Variants in NT5C1B observed in about 807,000 individuals in gnomAD.
NT5C1B encodes the protein cytosolic 5'-nucleotidase 1B.
NT5C1B carries 44 observed loss-of-function variants against 57.8 expected under a neutral mutation model. The ratio of observed to expected loss-of-function variants is 0.76; its 90% CI spans 0.60 to 0.98. The LOEUF (loss-of-function observed/expected upper bound fraction) is 0.98, where lower values mean the gene tolerates loss of function less well. Ranked by LOEUF, NT5C1B falls within the 50% of genes least tolerant of loss-of-function variation. NT5C1B has a pLI of 0.00. For missense variants in NT5C1B, 742 were observed against 719.5 expected (o/e 1.03, Z -0.36); for synonymous variants, 284 against 282.6 (o/e 1.00, Z -0.05).
intron 6 of NT5C1B, among the ~76,000 whole-genome samples, chr2:18,581,452 T>C (rs969209059): frequency 3.9e-5 from 6 of 152,106 alleles, no homozygotes; most frequent in Non-Finnish European, 7.4e-5. Flanking sequence ...TTTTTAGATA[T>C]ATGATAAACT....
intron 6 of NT5C1B, among the ~76,000 whole-genome samples, chr2:18,578,834 G>C (rs1203940729): frequency 6.6e-6 from 1 of 152,120 alleles, no homozygotes; most frequent in Non-Finnish European, 1.5e-5. Context: ...CATTAAAATA[G>C]AAAGAGAGGA....
chr2:18,586,967 A>G lies in NT5C1B; in HGVS notation c.120+536T>C, dbSNP rs763682450. ...CCCAGGTTGTCTGTGGTTCCCCTCCAGAATCGGTAGTGTGATCTCTGCTCA... is the reference window on the plus strand; with the variant it reads ...CCCAGGTTGTCTGTGGTTCCCCTCCGGAATCGGTAGTGTGATCTCTGCTCA... On this transcript the variant is annotated intron_variant, in intron 2 of 8. Transcript: ENST00000304081. 5 of 1,614,066 alleles carry G rather than the reference A, an allele frequency of 3.1e-6. No homozygotes were observed. The South Asian group carries it at 4.4e-5, about 14-fold the overall frequency.
chr2:18,562,969 A>G (rs1339514539), exon 9 of NT5C1B: 1 of 152,186 alleles, frequency 6.6e-6, no homozygotes, highest in African/African-American at 2.4e-5. Flanking sequence ...ATGACCAACC[A>G]ATTTTTGTTG....
chr2:18,582,101 T>G (rs1666234164), intron 6 of NT5C1B, among the ~76,000 whole-genome samples: 1 of 152,224 alleles, frequency 6.6e-6, no homozygotes, highest in Non-Finnish European at 1.5e-5. Flanking sequence ...AATTTTTATG[T>G]TCTCTCTTTT....
chr2:18,567,063 C>T (rs777577198), intron 8 of NT5C1B, among the ~76,000 whole-genome samples: 21 of 152,108 alleles, frequency 1.4e-4, no homozygotes, highest in Non-Finnish European at 2.4e-4. Flanking sequence ...AGCATAGAAG[C>T]CCTAGGATCC....
At chr2:18,583,820 G>T in intron 5 of NT5C1B, 1 of 648,762 alleles carries the variant, frequency 1.5e-6, no homozygotes, top group South Asian at 1.5e-5. Context: ...CTTCGAGGGA[G>T]AGAGGTTTCT....
At position 18,587,560 on chromosome 2, in the gene NT5C1B, ACT is replaced by A; in HGVS notation, c.61_62del (p.Leu22ArgfsTer9). 2 of 1,613,586 alleles carry A rather than the reference ACT, an allele frequency of 1.2e-6. No homozygotes were observed. The highest frequency in any genetic ancestry group is 1.7e-6 in the Non-Finnish European group (2 of 1,179,950). ...ATTCCTTTCTTTTTTCTGCTTCTAG[ACT>A]CTCTTTTGAGGACCTCATTCCAGGC... On this transcript the variant is annotated frameshift_variant, in exon 2 of 9. Transcript: ENST00000304081. LOFTEE classifies it high-confidence loss of function.
chr2:18,577,765 C>A (rs1665835090), intron 6 of NT5C1B, among the ~76,000 whole-genome samples: 1 of 150,084 alleles, frequency 6.7e-6, no homozygotes. Flanking sequence ...ATAATCAGAG[C>A]TGAACTGAAT....
At chr2:18,576,073 A>T in intron 8 of NT5C1B, 111 bp downstream of exon 8, 1 of 1,156,128 alleles carries the variant, frequency 8.6e-7, no homozygotes, top group Non-Finnish European at 1.2e-6. Context: ...AGTAAGAAGG[A>T]GTGCCCTGCC....
At chr2:18,573,149 C>T (rs1665362358) in intron 8 of NT5C1B, among the ~76,000 whole-genome samples, 1 of 152,090 alleles carries the variant, frequency 6.6e-6, no homozygotes, top group Non-Finnish European at 1.5e-5. Flanking sequence ...CATGCAATGA[C>T]ATGCATTATG....
At chr2:18,574,243 G>T (rs1435288482) in intron 8 of NT5C1B, among the ~76,000 whole-genome samples, 1 of 151,990 alleles carries the variant, frequency 6.6e-6, no homozygotes, top group Non-Finnish European at 1.5e-5. Context: ...AATCATCAGA[G>T]AAATCCAAAT....
chr2:18,579,520 A>T (rs1269550922), intron 6 of NT5C1B, among the ~76,000 whole-genome samples: 3 of 152,240 alleles, frequency 2.0e-5, no homozygotes, highest in Non-Finnish European at 2.9e-5. Context: ...AACCAAGTCA[A>T]GAAAAACATG....
chr2:18,570,743 AG>A (rs1665074904), intron 8 of NT5C1B, among the ~76,000 whole-genome samples: 2 of 152,298 alleles, frequency 1.3e-5, no homozygotes, highest in Non-Finnish European at 2.9e-5. Flanking sequence ...TTACAAGAGA[AG>A]AAAACTGTAG....
exon 7 of NT5C1B, chr2:18,576,841 A>C: frequency 6.2e-7 from 1 of 1,613,926 alleles, no homozygotes; most frequent in Non-Finnish European, 8.5e-7. Flanking sequence ...ATATGCCTTC[A>C]AATAGCCAAT....
chr2:18,579,319 C>G (rs1430731146), intron 6 of NT5C1B, among the ~76,000 whole-genome samples: 1 of 152,154 alleles, frequency 6.6e-6, no homozygotes, highest in Non-Finnish European at 1.5e-5. Context: ...CAAAAAAGAG[C>G]TGGAATAGCC....
rs374697563 is a variant in NT5C1B, at chr2:18,571,379, G to A, written c.1329+4805C>T. On this transcript the variant is annotated intron_variant, in intron 8 of 8. Coordinates refer to ENST00000304081, the Ensembl canonical transcript of NT5C1B. ...TCTATGTATTAGCAATAAATAATCG[G>A]ACAGTAAGGATTTTTAAAGTACCAT... is the stretch of plus-strand genomic sequence containing the variant. 5.9e-5 allele frequency among the ~76,000 whole-genome samples: 9 copies of A among 152,022 alleles called. No individual in the cohort carries two copies. The South Asian group carries it at 1.2e-3, about 21-fold the overall frequency.
chr2:18,581,640 T>G (rs1666194050), intron 6 of NT5C1B, among the ~76,000 whole-genome samples: 1 of 152,162 alleles, frequency 6.6e-6, no homozygotes, highest in Non-Finnish European at 1.5e-5. Context: ...GGCACAAAAG[T>G]GTATTCTACA....
intron 8 of NT5C1B, among the ~76,000 whole-genome samples, chr2:18,568,199 T>C (rs890489998): frequency 6.6e-6 from 1 of 151,362 alleles, no homozygotes; most frequent in African/African-American, 2.4e-5. Flanking sequence ...ACACATTACA[T>C]ACTAAGGACC....
intron 8 of NT5C1B, among the ~76,000 whole-genome samples, chr2:18,569,201 T>A (rs1033302273): frequency 6.6e-6 from 1 of 152,192 alleles, no homozygotes; most frequent in African/African-American, 2.4e-5. Context: ...TAAAGTTGTA[T>A]ATTGTAAACA....
Sources: gnomAD v4.1 joint callset for allele counts (sites outside exome capture counted in the v4.1 genomes callset) on GRCh38, gnomAD v4.1.1 for gene constraint, MANE v1.5 for transcripts, NCBI Gene and HGNC (gene_info 2026-07-23, HGNC 2026-07-21) for gene names.